MBD5: variants seen among roughly 807,000 people sequenced by gnomAD.
The protein encoded by MBD5 is methyl-CpG-binding domain protein 5.
In MBD5, 13 loss-of-function variants were observed where a neutral mutation model predicts 117.3. The observed-to-expected ratio is 0.11, with a 90% CI of 0.07 to 0.18. The LOEUF is 0.18. Ranked by LOEUF, MBD5 falls within the 10% of genes least tolerant of loss-of-function variation. The pLI, the probability that MBD5 is intolerant of heterozygous loss-of-function variation, is 1.00. For synonymous variants in MBD5, 727 were observed against 766.4 expected (o/e 0.95, Z 0.85); for missense variants, 1,879 against 2,093.8 (o/e 0.90, Z 2.00).
intron 3 of MBD5, among the ~76,000 whole-genome samples, chr2:148,272,523 C>T (rs1469439046): frequency 1.3e-5 from 2 of 151,966 alleles, no homozygotes; most frequent in Admixed American, 6.6e-5. Context: ...TTTTCATTTC[C>T]TCGATGATTA....
intron 1 of MBD5, among the ~76,000 whole-genome samples, chr2:148,117,284 G>A (rs1451117645): frequency 1.3e-5 from 2 of 151,174 alleles, no homozygotes; most frequent in Non-Finnish European, 2.9e-5. Context: ...AACAAGCACA[G>A]TAATAGATCT....
rs9967869 is a variant in MBD5, at chr2:148,448,445, T to C, written c.-556-9758T>C. ...CTTCAGTGGGTAAGGAGTTGTCTTA[T>C]TTTTCCTTTTAGTAACCTGATTTTC... On this transcript the variant is annotated intron_variant, in intron 4 of 13. Coordinates refer to ENST00000642680, the MANE Select transcript of MBD5 (RefSeq NM_001378120.1). 4.5e-3 allele frequency among the ~76,000 whole-genome samples: 691 copies of C among 152,108 alleles called. 7 individuals carry two copies. Among genetic ancestry groups the C allele is most frequent in the African/African-American group, 0.016 (653 of 41,498 alleles).
At chr2:148,294,797 C>T (rs973234213) in intron 3 of MBD5, among the ~76,000 whole-genome samples, 3 of 152,134 alleles carry the variant, frequency 2.0e-5, no homozygotes, top group African/African-American at 4.8e-5. Context: ...TGAGCCACCA[C>T]GTCCAGCCCA....
intron 3 of MBD5, among the ~76,000 whole-genome samples, chr2:148,248,950 G>A (rs921850872): frequency 3.3e-5 from 5 of 152,138 alleles, no homozygotes; most frequent in East Asian, 3.9e-4. Context: ...TTGATTATCC[G>A]TTAAGAGGAA....
chr2:148,173,034 C>T (rs1445151683), intron 1 of MBD5, among the ~76,000 whole-genome samples: 1 of 152,168 alleles, frequency 6.6e-6, no homozygotes, highest in African/African-American at 2.4e-5. Flanking sequence ...CAGTTGTTCG[C>T]GTACCTCATT....
intron 4 of MBD5, among the ~76,000 whole-genome samples, chr2:148,345,676 AATGT>A (rs1214905235): frequency 6.8e-6 from 1 of 147,538 alleles, no homozygotes; most frequent in Non-Finnish European, 1.5e-5. Flanking sequence ...TACATATATA[AATGT>A]ATGTGTGTGT....
chr2:148,412,358 CAGAG>C (rs993955587), intron 4 of MBD5, among the ~76,000 whole-genome samples: 12 of 146,670 alleles, frequency 8.2e-5, no homozygotes, highest in African/African-American at 3.1e-4. Flanking sequence ...GAGACAGAGA[CAGAG>C]AGAGAGAGTG....
chr2:148,235,795 G>T (rs1700079049), intron 3 of MBD5, among the ~76,000 whole-genome samples: 1 of 151,062 alleles, frequency 6.6e-6, no homozygotes, highest in East Asian at 1.9e-4. Flanking sequence ...CTAAAAAAGG[G>T]GGAGTGTTTT....
intron 4 of MBD5, among the ~76,000 whole-genome samples, chr2:148,447,183 GAAAGAAAGAAAGAAAGAAAGAAAGAAA>G (rs1706573149): frequency 1.4e-4 from 1 of 7,340 alleles, no homozygotes; most frequent in East Asian, 0.5. Context: ...AAGAAGGAAA[GAAAGAAAGAAAGAAAGAAAGAAAGAAA>G]GAAAGAAAGA....
chr2:148,160,059 C>G (rs898391329), intron 1 of MBD5, among the ~76,000 whole-genome samples: 6 of 152,154 alleles, frequency 3.9e-5, no homozygotes, highest in Admixed American at 3.3e-4. Context: ...TCAGAAACAC[C>G]TGTGGGGTTT....
chr2:148,221,170 A>T (rs1699676778), intron 2 of MBD5, among the ~76,000 whole-genome samples: 2 of 152,088 alleles, frequency 1.3e-5, no homozygotes, highest in African/African-American at 4.8e-5. Context: ...TCTTATATTC[A>T]TCTGTTGATG....
intron 2 of MBD5, among the ~76,000 whole-genome samples, chr2:148,204,980 T>G (rs1699240382): frequency 6.6e-6 from 1 of 152,114 alleles, no homozygotes; most frequent in African/African-American, 2.4e-5. Context: ...AAATGTTTAC[T>G]AAAATTCCCT....
chr2:148,197,817 T>G (rs7572262), intron 2 of MBD5, among the ~76,000 whole-genome samples: 5,851 of 111,016 alleles, frequency 0.053, 206 homozygotes, highest in Admixed American at 0.097. Flanking sequence ...TTTTTTTTTT[T>G]GTTTTTTTTT....
intron 2 of MBD5, among the ~76,000 whole-genome samples, chr2:148,198,508 G>T (rs1342014087): frequency 6.6e-6 from 1 of 152,000 alleles, no homozygotes; most frequent in East Asian, 1.9e-4. Flanking sequence ...CAATAAATAA[G>T]TCTAGGTTTT....
intron 4 of MBD5, among the ~76,000 whole-genome samples, chr2:148,387,996 A>G (rs1704430588): frequency 6.6e-6 from 1 of 152,210 alleles, no homozygotes; most frequent in Admixed American, 6.5e-5. Context: ...ACTTCATATG[A>G]AAAAGCAAAG....
At chr2:148,236,760 G>A (rs1414032137) in intron 3 of MBD5, among the ~76,000 whole-genome samples, 1 of 152,140 alleles carries the variant, frequency 6.6e-6, no homozygotes, top group Non-Finnish European at 1.5e-5. Flanking sequence ...GAGAATCAGT[G>A]GTTCCTTTGA....
At chr2:148,243,340 A>G (rs1041425102) in intron 3 of MBD5, among the ~76,000 whole-genome samples, 3 of 152,046 alleles carry the variant, frequency 2.0e-5, no homozygotes, top group Non-Finnish European at 4.4e-5. Flanking sequence ...TTATTGTTAT[A>G]CTTTTTAAAA....
intron 4 of MBD5, among the ~76,000 whole-genome samples, chr2:148,429,657 T>A (rs1351466921): frequency 6.6e-6 from 1 of 152,170 alleles, no homozygotes; most frequent in Non-Finnish European, 1.5e-5. Flanking sequence ...CATGGAATGC[T>A]ATGCAGCCAT....
intron 3 of MBD5, among the ~76,000 whole-genome samples, chr2:148,277,512 A>G (rs1167670879): frequency 6.6e-6 from 1 of 152,160 alleles, no homozygotes; most frequent in Non-Finnish European, 1.5e-5. Flanking sequence ...TATTTTTTAG[A>G]GACAGGGTCT....
Sources: gnomAD v4.1 joint callset for allele counts (sites outside exome capture counted in the v4.1 genomes callset) on GRCh38, gnomAD v4.1.1 for gene constraint, MANE v1.5 for transcripts, NCBI Gene and HGNC (gene_info 2026-07-23, HGNC 2026-07-21) for gene names.